Variants in SNTG1 observed in about 807,000 individuals in gnomAD.
SNTG1 encodes the protein gamma-1-syntrophin.
SNTG1 carries 39 observed loss-of-function variants against 74.7 expected under a neutral mutation model. The ratio of observed to expected loss-of-function variants is 0.52; its 90% CI spans 0.40 to 0.68. The LOEUF (loss-of-function observed/expected upper bound fraction) is 0.68, where lower values mean the gene tolerates loss of function less well. SNTG1 is among the 30% of genes least tolerant of loss of function. SNTG1 has a pLI of 0.00. For synonymous variants in SNTG1, 254 were observed against 217.1 expected (o/e 1.17, Z -1.49); for missense variants, 685 against 609.5 (o/e 1.12, Z -1.30).
chr8:50,101,180 A>G (rs565838420), intron 1 of SNTG1, among the ~76,000 whole-genome samples: 8 of 152,112 alleles, frequency 5.3e-5, no homozygotes, highest in Middle Eastern at 3.4e-3. Flanking sequence ...GCAATCCATC[A>G]TTGGTGGGCA....
chr8:50,425,845 G>T (rs1046472246), intron 4 of SNTG1, among the ~76,000 whole-genome samples: 1 of 152,156 alleles, frequency 6.6e-6, no homozygotes, highest in Non-Finnish European at 1.5e-5. Context: ...ATGCAATGAG[G>T]TGCTGAAATA....
At chr8:50,220,134 C>CA (rs1368417405) in intron 2 of SNTG1, among the ~76,000 whole-genome samples, 1 of 152,010 alleles carries the variant, frequency 6.6e-6, no homozygotes, top group Non-Finnish European at 1.5e-5. Flanking sequence ...ATCAAAGCCT[C>CA]AAAAAATCCC....
At chr8:50,525,989 A>G (rs1159390125) in intron 9 of SNTG1, among the ~76,000 whole-genome samples, 4 of 151,956 alleles carry the variant, frequency 2.6e-5, no homozygotes, top group Non-Finnish European at 1.5e-5. Context: ...CCGGAAAAGA[A>G]CTTCACCAAT....
intron 17 of SNTG1, among the ~76,000 whole-genome samples, chr8:50,751,046 T>G (rs980396609): frequency 3.3e-5 from 5 of 152,070 alleles, no homozygotes; most frequent in African/African-American, 1.2e-4. Flanking sequence ...AATATTTGAC[T>G]ATATCAGCTA....
At chr8:50,390,120 G>A (rs1218931520) in intron 2 of SNTG1, among the ~76,000 whole-genome samples, 1 of 151,394 alleles carries the variant, frequency 6.6e-6, no homozygotes, top group East Asian at 2.0e-4. Flanking sequence ...GGCTTTTGTT[G>A]CCATTGCTTT....
chr8:50,607,534 G>A (rs953859444), intron 13 of SNTG1, among the ~76,000 whole-genome samples: 9 of 151,210 alleles, frequency 6.0e-5, no homozygotes, highest in Non-Finnish European at 8.9e-5. Flanking sequence ...ATACTTTAAC[G>A]TTTCTTCTTG....
At chr8:50,230,196 C>G (rs1202495441) in intron 2 of SNTG1, among the ~76,000 whole-genome samples, 1 of 150,922 alleles carries the variant, frequency 6.6e-6, no homozygotes, top group African/African-American at 2.4e-5. Flanking sequence ...CCTAAAGCAA[C>G]AGAAGAAAAG....
At chr8:50,127,369 A>G (rs937372044) in intron 1 of SNTG1, among the ~76,000 whole-genome samples, 2 of 152,178 alleles carry the variant, frequency 1.3e-5, no homozygotes, top group Non-Finnish European at 1.5e-5. Context: ...TTACTTAGCA[A>G]TAGTAAAAAC....
chr8:50,493,160 C>T (rs748215216), intron 8 of SNTG1, among the ~76,000 whole-genome samples: 1 of 152,096 alleles, frequency 6.6e-6, no homozygotes, highest in Non-Finnish European at 1.5e-5. Flanking sequence ...GAAATACAAA[C>T]GGGGATTTTG....
intron 15 of SNTG1, among the ~76,000 whole-genome samples, chr8:50,679,090 T>TAA (rs1361688498): frequency 6.6e-6 from 1 of 152,130 alleles, no homozygotes; most frequent in African/African-American, 2.4e-5. Context: ...TATAATCTAT[T>TAA]AACTGTTTGC....
intron 1 of SNTG1, among the ~76,000 whole-genome samples, chr8:49,915,894 T>C (rs1026563522): frequency 2.0e-5 from 3 of 152,204 alleles, no homozygotes; most frequent in African/African-American, 7.2e-5. Flanking sequence ...CATAGGCCTC[T>C]TTAGGACATC....
At position 50,102,520 on chromosome 8, in the gene SNTG1, T is replaced by G. The variant is rs1272276039; in HGVS notation, c.-102-70041T>G. 1.6e-3 allele frequency among the ~76,000 whole-genome samples: 227 copies of G among 145,198 alleles called. 2 individuals are homozygous for G. The East Asian group carries it at 0.043, about 28-fold the overall frequency. ...CCCATTTTGTAGGTTGCCTGTTCAC[T>G]CTGATGGTAGTTTCTTTTGCTGTGC... On this transcript the variant is annotated intron_variant, in intron 1 of 18. Transcript: ENST00000642720.
chr8:49,972,555 A>G (rs1242591571), intron 1 of SNTG1, among the ~76,000 whole-genome samples: 1 of 152,188 alleles, frequency 6.6e-6, no homozygotes, highest in Non-Finnish European at 1.5e-5. Context: ...ACAGCAAAAG[A>G]AACTACCATC....
In SNTG1 at chr8:50,598,758, A is replaced by T. The variant is rs1439979857; in HGVS notation, c.849+7841A>T. The stretch of plus-strand genomic sequence containing the variant: ...GGATTCCCTCCAATTTCTTTCATCA[A>T]TGCTTTATAGTTTTTATTATAGAGA... On this transcript the variant is annotated intron_variant, in intron 13 of 18. Coordinates refer to ENST00000642720, the MANE Select transcript of SNTG1 (RefSeq NM_018967.5). Among the ~76,000 whole-genome samples, 3 of 151,704 alleles carry T rather than the reference A, an allele frequency of 2.0e-5. No homozygotes were observed. In the East Asian group the frequency reaches 5.8e-4, roughly 29 times the overall value.
intron 18 of SNTG1, among the ~76,000 whole-genome samples, chr8:50,767,139 C>G (rs997198518): frequency 6.6e-6 from 1 of 151,888 alleles, no homozygotes; most frequent in Non-Finnish European, 1.5e-5. Flanking sequence ...TAGGGAAATA[C>G]TTTCAACAAA....
intron 4 of SNTG1, among the ~76,000 whole-genome samples, chr8:50,421,405 C>T (rs1009386701): frequency 1.3e-5 from 2 of 152,130 alleles, no homozygotes; most frequent in Admixed American, 6.6e-5. Flanking sequence ...ATTGCCATGA[C>T]ATTTGTAAAC....
chr8:49,978,785 G>A (rs1374782306), intron 1 of SNTG1, among the ~76,000 whole-genome samples: 1 of 152,140 alleles, frequency 6.6e-6, no homozygotes, highest in Non-Finnish European at 1.5e-5. Context: ...CCAGGTAGCA[G>A]GTTCTATATT....
intron 1 of SNTG1, among the ~76,000 whole-genome samples, chr8:50,169,336 C>A (rs1417586363): frequency 6.6e-6 from 1 of 152,220 alleles, no homozygotes; most frequent in Non-Finnish European, 1.5e-5. Context: ...ATATTTCACA[C>A]TTAAATTTTC....
intron 2 of SNTG1, among the ~76,000 whole-genome samples, chr8:50,189,344 T>A (rs1213220265): frequency 6.6e-6 from 1 of 152,118 alleles, no homozygotes; most frequent in Admixed American, 6.6e-5. Context: ...TACAATGGAA[T>A]CACCTGGATA....
Sources: gnomAD v4.1 joint callset for allele counts (sites outside exome capture counted in the v4.1 genomes callset) on GRCh38, gnomAD v4.1.1 for gene constraint, MANE v1.5 for transcripts, NCBI Gene and HGNC (gene_info 2026-07-23, HGNC 2026-07-21) for gene names.